The following SLC35D4 variants were observed in gnomAD, a reference collection of about 807,000 sequenced individuals.
The protein encoded by SLC35D4 is solute carrier family 35 member D4, also known as UDP-N-acetylglucosamine transporter SLC35D4.
the SLC35D4 span, among the ~76,000 whole-genome samples, chr18:23,433,392 T>C: frequency 6.6e-6 from 1 of 152,228 alleles, no homozygotes; most frequent in East Asian, 1.9e-4. Context: ...GGTTTTAGTA[T>C]TTATTAATTT....
At chr18:23,357,388 A>G in the SLC35D4 span, among the ~76,000 whole-genome samples, 1 of 152,186 alleles carries the variant, frequency 6.6e-6, no homozygotes, top group Admixed American at 6.5e-5. Context: ...TGGAATTTGA[A>G]CTTGGTCACA....
the SLC35D4 span, among the ~76,000 whole-genome samples, chr18:23,269,653 G>C: frequency 6.6e-6 from 1 of 152,226 alleles, no homozygotes; most frequent in Admixed American, 6.5e-5. Flanking sequence ...GAGCTTCCTA[G>C]AGACGTGTTG....
At chr18:23,254,304 C>T in the SLC35D4 span, among the ~76,000 whole-genome samples, 2 of 152,340 alleles carry the variant, frequency 1.3e-5, no homozygotes, top group Admixed American at 6.5e-5. Context: ...AAGACCTTGG[C>T]TTCCTACTTC....
At chr18:23,261,072 A>G in the SLC35D4 span, among the ~76,000 whole-genome samples, 4 of 152,192 alleles carry the variant, frequency 2.6e-5, no homozygotes, top group African/African-American at 9.7e-5. Context: ...CTGCAAACCT[A>G]AGACTGGCAA....
At chr18:23,430,155 C>A in the SLC35D4 span, among the ~76,000 whole-genome samples, 1 of 152,138 alleles carries the variant, frequency 6.6e-6, no homozygotes, top group East Asian at 1.9e-4. Flanking sequence ...ACATTTAAGT[C>A]TTTAATCCAT....
At chr18:23,251,978 C>G in the SLC35D4 span, among the ~76,000 whole-genome samples, 1 of 151,574 alleles carries the variant, frequency 6.6e-6, no homozygotes, top group Non-Finnish European at 1.5e-5. Context: ...TCCAGCTACT[C>G]AGGAAGCTGA....
At chr18:23,288,037 T>TC in the SLC35D4 span, among the ~76,000 whole-genome samples, 379 of 152,320 alleles carry the variant, frequency 2.5e-3, 1 homozygote, top group Non-Finnish European at 4.0e-3. Flanking sequence ...TACTTTCTGC[T>TC]CCCCTGCTCC....
the SLC35D4 span, among the ~76,000 whole-genome samples, chr18:23,348,958 A>C: frequency 6.6e-6 from 1 of 152,176 alleles, no homozygotes; most frequent in South Asian, 2.1e-4. Context: ...TCCTTGGTTG[A>C]CAGGTTTTTC....
the SLC35D4 span, chr18:23,373,785 AC>A: frequency 6.2e-7 from 1 of 1,610,146 alleles, no homozygotes; most frequent in Non-Finnish European, 8.5e-7. Flanking sequence ...GAGATAAAAC[AC>A]TGCAGCTTCA....
chr18:23,324,521 C>T, the SLC35D4 span, among the ~76,000 whole-genome samples: 3 of 152,188 alleles, frequency 2.0e-5, no homozygotes, highest in African/African-American at 4.8e-5. Flanking sequence ...GGCCAAATTA[C>T]GTTCACTGAG....
At chr18:23,286,408 A>G in the SLC35D4 span, among the ~76,000 whole-genome samples, 5 of 152,130 alleles carry the variant, frequency 3.3e-5, no homozygotes, top group African/African-American at 1.2e-4. Context: ...CCCACTGGAA[A>G]TCGGATGGAA....
chr18:23,407,933 G>C, the SLC35D4 span, among the ~76,000 whole-genome samples: 1 of 152,098 alleles, frequency 6.6e-6, no homozygotes, highest in Admixed American at 6.6e-5. Flanking sequence ...TCATTTACAG[G>C]TGGAAATAAA....
the SLC35D4 span, among the ~76,000 whole-genome samples, chr18:23,321,093 C>T: frequency 6.6e-6 from 1 of 152,132 alleles, no homozygotes; most frequent in Non-Finnish European, 1.5e-5. Flanking sequence ...TTGGACCAAG[C>T]CAGATCTTTA....
chr18:23,414,064 G>A, the SLC35D4 span, among the ~76,000 whole-genome samples: 1 of 151,014 alleles, frequency 6.6e-6, no homozygotes, highest in South Asian at 2.1e-4. Context: ...AGACCAGCCT[G>A]GCCAAGATGG....
chr18:23,302,332 G>C, the SLC35D4 span, among the ~76,000 whole-genome samples: 1 of 152,212 alleles, frequency 6.6e-6, no homozygotes, highest in East Asian at 1.9e-4. Flanking sequence ...TAGCCCCCAT[G>C]AACTTTAGAC....
At chr18:23,260,728 G>A in the SLC35D4 span, among the ~76,000 whole-genome samples, 3 of 152,126 alleles carry the variant, frequency 2.0e-5, no homozygotes, top group Non-Finnish European at 2.9e-5. Flanking sequence ...GGATGGGGGC[G>A]CGCCCTGACG....
the SLC35D4 span, among the ~76,000 whole-genome samples, chr18:23,435,167 A>T: frequency 6.6e-6 from 1 of 152,094 alleles, no homozygotes; most frequent in Non-Finnish European, 1.5e-5. Context: ...CAGAAAAAAA[A>T]AAATTAGAAA....
At chr18:23,390,712 C>A in the SLC35D4 span, among the ~76,000 whole-genome samples, 3 of 152,212 alleles carry the variant, frequency 2.0e-5, no homozygotes, top group Non-Finnish European at 1.5e-5. Flanking sequence ...GGTCACTCTA[C>A]AGAGGTGTGA....
chr18:23,247,902 C>G, the SLC35D4 span, among the ~76,000 whole-genome samples: 139 of 152,352 alleles, frequency 9.1e-4, 1 homozygote, highest in African/African-American at 3.1e-3. Context: ...ACTGGGCTCC[C>G]TGGGCCAAGG....
Sources: allele counts gnomAD v4.1 joint callset (sites outside exome capture counted in the v4.1 genomes callset), GRCh38; gene constraint gnomAD v4.1.1; transcripts MANE v1.5; gene names NCBI Gene and HGNC (gene_info 2026-07-23, HGNC 2026-07-21).